TMEM132D: variants seen among roughly 807,000 people sequenced by gnomAD.
The protein encoded by TMEM132D is mature OL transmembrane protein.
A neutral mutation model predicts 62.3 loss-of-function variants in TMEM132D; 21 were observed. That is an observed-to-expected ratio of 0.34 (90% CI 0.24 to 0.49). The LOEUF is 0.49. Ranked by LOEUF, TMEM132D falls within the 20% of genes least tolerant of loss-of-function variation. The pLI is 0.99. For missense variants in TMEM132D, 1,346 were observed against 1,402.8 expected (o/e 0.96, Z 0.65); for synonymous variants, 621 against 575.6 (o/e 1.08, Z -1.13).
chr12:129,163,135 G>T (rs1232047599), intron 5 of TMEM132D, among the ~76,000 whole-genome samples: 2 of 152,212 alleles, frequency 1.3e-5, no homozygotes, highest in African/African-American at 2.4e-5. Flanking sequence ...TTGTACAGAA[G>T]ATTCTAGACA....
chr12:129,488,606 GA>G (rs759357389), intron 3 of TMEM132D, among the ~76,000 whole-genome samples: 24 of 152,216 alleles, frequency 1.6e-4, no homozygotes, highest in Non-Finnish European at 3.1e-4. Flanking sequence ...TTGGGAGGCA[GA>G]GGTTGCAGTG....
chr12:129,800,809 T>A (rs571944690), intron 1 of TMEM132D, among the ~76,000 whole-genome samples: 14 of 151,906 alleles, frequency 9.2e-5, no homozygotes, highest in African/African-American at 3.4e-4. Context: ...GGTACCGGGC[T>A]CATCTCACTA....
At chr12:129,829,295 AG>A (rs1566000383) in intron 1 of TMEM132D, among the ~76,000 whole-genome samples, 1 of 152,172 alleles carries the variant, frequency 6.6e-6, no homozygotes, top group Non-Finnish European at 1.5e-5. Context: ...CGACGGCCAC[AG>A]GGAGAGGCAT....
At chr12:129,662,703 G>C (rs12298877) in intron 2 of TMEM132D, among the ~76,000 whole-genome samples, 3,919 of 144,022 alleles carry the variant, frequency 0.027, 176 homozygotes, top group African/African-American at 0.093. Flanking sequence ...TGAGGCAGGA[G>C]AATCGCTTGA....
intron 1 of TMEM132D, among the ~76,000 whole-genome samples, chr12:129,863,995 A>T (rs2137370819): frequency 6.6e-6 from 1 of 152,308 alleles, no homozygotes; most frequent in South Asian, 2.1e-4. Context: ...CAATTGCGCT[A>T]CCACTAGCAC....
chr12:129,195,289 C>T (rs1878516777), intron 5 of TMEM132D, among the ~76,000 whole-genome samples: 1 of 151,778 alleles, frequency 6.6e-6, no homozygotes, highest in African/African-American at 2.4e-5. Context: ...TCAAGAAGCC[C>T]AGTGTGGCCA....
chr12:129,820,677 A>C (rs566125570), intron 1 of TMEM132D, among the ~76,000 whole-genome samples: 1 of 152,342 alleles, frequency 6.6e-6, no homozygotes, highest in South Asian at 2.1e-4. Context: ...CTCATATTTC[A>C]GGTGTAAAGA....
At chr12:129,564,950 AAGG>A (rs1047934948) in intron 2 of TMEM132D, among the ~76,000 whole-genome samples, 29 of 152,168 alleles carry the variant, frequency 1.9e-4, no homozygotes, top group African/African-American at 4.8e-4. Flanking sequence ...CTGAGAAAGG[AAGG>A]AGGAGAAATA....
chr12:129,634,289 A>G (rs1158415137), intron 2 of TMEM132D, among the ~76,000 whole-genome samples: 1 of 150,486 alleles, frequency 6.6e-6, no homozygotes, highest in Non-Finnish European at 1.5e-5. Context: ...CCTGGACAAC[A>G]TGGCCAGTGT....
chr12:129,743,622 C>CA (rs75100642), intron 1 of TMEM132D, among the ~76,000 whole-genome samples: 1 of 151,908 alleles, frequency 6.6e-6, no homozygotes, highest in Non-Finnish European at 1.5e-5. Flanking sequence ...CCCCTACAAC[C>CA]AAAAAAATAT....
intron 3 of TMEM132D, among the ~76,000 whole-genome samples, chr12:129,484,401 G>C: frequency 6.6e-6 from 1 of 152,216 alleles, no homozygotes; most frequent in East Asian, 1.9e-4. Context: ...GCACACAATA[G>C]AGTAATTAAA....
chr12:129,776,799 A>G lies in TMEM132D; in HGVS notation c.80-76101T>C, dbSNP rs896900851. On this transcript the variant is annotated intron_variant, in intron 1 of 8. Transcript: ENST00000422113. Reference sequence around the variant, plus strand: ...TAAATAATGGGCTTCAAAAAAAAAAAAAAAAAAAGAAAAGGAAAAATCCCT... The same window carrying G: ...TAAATAATGGGCTTCAAAAAAAAAAGAAAAAAAAGAAAAGGAAAAATCCCT... Among the ~76,000 whole-genome samples the G allele has an allele frequency of 4.8e-3, 724 of 151,606 alleles. 7 individuals are homozygous for G. Among genetic ancestry groups the G allele is most frequent in the African/African-American group, 0.017 (688 of 41,414 alleles).
intron 1 of TMEM132D, among the ~76,000 whole-genome samples, chr12:129,806,801 G>T (rs1300256370): frequency 6.6e-6 from 1 of 152,214 alleles, no homozygotes; most frequent in Non-Finnish European, 1.5e-5. Flanking sequence ...CAAGGTGGGT[G>T]CATTGCTTGA....
intron 4 of TMEM132D, among the ~76,000 whole-genome samples, chr12:129,262,033 T>TG (rs1311324726): frequency 3.9e-5 from 6 of 152,018 alleles, no homozygotes; most frequent in Non-Finnish European, 5.9e-5. Flanking sequence ...AGTATGGGCT[T>TG]GGGGGCACCT....
intron 5 of TMEM132D, among the ~76,000 whole-genome samples, chr12:129,166,275 G>C (rs1448542436): frequency 1.3e-5 from 1 of 79,648 alleles, no homozygotes; most frequent in Non-Finnish European, 3.2e-5. Context: ...ATGGGGATGG[G>C]GGACTGTGGG....
intron 3 of TMEM132D, among the ~76,000 whole-genome samples, chr12:129,342,887 C>T (rs1256594020): frequency 1.3e-5 from 2 of 152,170 alleles, no homozygotes; most frequent in Non-Finnish European, 2.9e-5. Flanking sequence ...TACCATCTCA[C>T]ACCAGTTAGA....
intron 1 of TMEM132D, among the ~76,000 whole-genome samples, chr12:129,711,693 C>T (rs1472987594): frequency 6.9e-6 from 1 of 144,252 alleles, no homozygotes; most frequent in African/African-American, 2.6e-5. Flanking sequence ...CGCCATTGCA[C>T]TCCAGCCTTG....
chr12:129,743,997 C>T (rs887760315), intron 1 of TMEM132D, among the ~76,000 whole-genome samples: 3 of 152,192 alleles, frequency 2.0e-5, no homozygotes, highest in Non-Finnish European at 2.9e-5. Flanking sequence ...CATTTTGTTA[C>T]AGCAGCAGTA....
intron 2 of TMEM132D, among the ~76,000 whole-genome samples, chr12:129,573,105 C>A (rs1369478904): frequency 1.3e-5 from 2 of 152,156 alleles, no homozygotes; most frequent in Non-Finnish European, 2.9e-5. Context: ...AGCTCTGTGT[C>A]GTGGTGCTAG....
Sources: gnomAD v4.1 joint callset for allele counts (sites outside exome capture counted in the v4.1 genomes callset) on GRCh38, gnomAD v4.1.1 for gene constraint, MANE v1.5 for transcripts, NCBI Gene and HGNC (gene_info 2026-07-23, HGNC 2026-07-21) for gene names.